AMPD3: variants seen among roughly 807,000 people sequenced by gnomAD.
The protein encoded by AMPD3 is adenosine monophosphate deaminase 3, also known as AMP deaminase 3.
Under a neutral mutation model 82.3 loss-of-function variants are expected in AMPD3, and 57 were observed. The observed-to-expected ratio is 0.69, with a 90% confidence interval of 0.56 to 0.86. The LOEUF is 0.86. AMPD3 is among the 40% of genes least tolerant of loss of function. The pLI, the probability that AMPD3 is intolerant of heterozygous loss-of-function variation, is 0.00. For missense variants in AMPD3, 870 were observed against 1,003.8 expected (o/e 0.87, Z 1.80); for synonymous variants, 381 against 394.7 (o/e 0.97, Z 0.41).
At chr11:10,495,352 C>T (rs775271726) in intron 8 of AMPD3, 25 of 985,352 alleles carry the variant, frequency 2.5e-5, no homozygotes, top group Admixed American at 6.1e-5. Flanking sequence ...CTGCTGTGGC[C>T]TGGTTCTGCA....
chr11:10,497,741 G>A, intron 10 of AMPD3: 1 of 985,346 alleles, frequency 1.0e-6, no homozygotes, highest in Non-Finnish European at 1.2e-6. Flanking sequence ...GGGCAGGGGT[G>A]AGAGTCAGGG....
chr11:10,492,594 T>G (rs1849268748), intron 6 of AMPD3, among the ~76,000 whole-genome samples: 1 of 152,212 alleles, frequency 6.6e-6, no homozygotes, highest in South Asian at 2.1e-4. Flanking sequence ...GTTCATTCAT[T>G]CATCCATTGG....
At chr11:10,481,433 G>T in intron 3 of AMPD3, 1 of 985,336 alleles carries the variant, frequency 1.0e-6, no homozygotes, top group South Asian at 4.7e-5. Flanking sequence ...TTAATTAGCT[G>T]CATGTGAGGC....
intron 10 of AMPD3, chr11:10,497,629 G>T: frequency 2.0e-6 from 2 of 985,430 alleles, no homozygotes; most frequent in Non-Finnish European, 2.4e-6. Context: ...TGCCCAGAAA[G>T]TGACTGGACA....
chr11:10,504,206 A>G, intron 13 of AMPD3: 2 of 985,208 alleles, frequency 2.0e-6, no homozygotes, highest in Non-Finnish European at 2.4e-6. Context: ...TGTGTTAAAA[A>G]GAAAAGCTAG....
At chr11:10,451,652 A>G (rs1396282340), upstream of AMPD3, among the ~76,000 whole-genome samples, 1 of 152,166 alleles carries the variant, frequency 6.6e-6, no homozygotes, top group African/African-American at 2.4e-5. Flanking sequence ...CTTGCTAACT[A>G]GGGTATCATT....
chr11:10,483,103 A>G (rs1004729365), intron 4 of AMPD3, among the ~76,000 whole-genome samples: 6 of 152,218 alleles, frequency 3.9e-5, no homozygotes, highest in African/African-American at 1.4e-4. Flanking sequence ...AGGAGAATGC[A>G]TGTGAAGTAC....
intron 13 of AMPD3, chr11:10,503,950 G>T (rs896306413): frequency 6.1e-5 from 60 of 985,306 alleles, no homozygotes; most frequent in Non-Finnish European, 7.0e-5. Flanking sequence ...GGGTGGGGAA[G>T]AGGTCACAGA....
At chr11:10,489,651 CT>C (rs1849183736) in intron 6 of AMPD3, among the ~76,000 whole-genome samples, 2 of 152,156 alleles carry the variant, frequency 1.3e-5, no homozygotes, top group South Asian at 2.1e-4. Context: ...GTGCCCGCCC[CT>C]GGGTGCTGCC....
At position 10,456,353 on chromosome 11, in the gene AMPD3, G is replaced by A; in HGVS notation, c.-6+905G>A. 6.2e-7 allele frequency: 1 copy of A among 1,613,586 alleles called. No individual in the cohort carries two copies. ...GGGTGGCAGGCAGCACCTCACCCGG[G>A]TGCATCACTTGAGTGGCATCTTCAG... is the stretch of plus-strand genomic sequence containing the variant. On this transcript the variant is annotated intron_variant, in intron 1 of 14. Transcript: ENST00000396553. The surrounding 1 kb of genome is among the most constrained non-coding windows in gnomAD (Gnocchi z 4.3).
chr11:10,460,851 C>A (rs141472896), intron 1 of AMPD3: 2 of 977,998 alleles, frequency 2.0e-6, no homozygotes, highest in Admixed American at 6.2e-5. Flanking sequence ...AATCAGTATG[C>A]GAGGAGGTGG....
At chr11:10,494,638 T>A (rs540943180) in intron 7 of AMPD3, 85 of 985,454 alleles carry the variant, frequency 8.6e-5, no homozygotes, top group Middle Eastern at 5.2e-4. Context: ...AAGTCAGCCA[T>A]GTCCTGAGCC....
intron 12 of AMPD3, chr11:10,501,920 T>C: frequency 1.0e-6 from 1 of 984,926 alleles, no homozygotes; most frequent in Non-Finnish European, 1.2e-6. Context: ...CAGAATTTGG[T>C]TCCTGCCTCG....
At position 10,473,512 on chromosome 11, in the gene AMPD3, G is replaced by C. The variant is rs2133863005; in HGVS notation, c.222-5014G>C. 1.0e-5 allele frequency: 10 copies of C among 985,340 alleles called. 1 individual carries two copies. In the South Asian group the frequency reaches 4.2e-4, roughly 42 times the overall value. 61.0% of individuals were successfully genotyped at this position (985,340 alleles called of 1,614,324 possible). ...AGGGGCAGGTTTCCAGAGGAGCTCA[G>C]GGAGAGACAGAGGGTGGGGCTGTGA... On this transcript the variant is annotated intron_variant, in intron 2 of 14. Transcript: ENST00000396553.
At chr11:10,460,050 T>C (rs969114358) in intron 1 of AMPD3, among the ~76,000 whole-genome samples, 5 of 105,644 alleles carry the variant, frequency 4.7e-5, no homozygotes, top group Admixed American at 2.7e-4. Context: ...AAATATATAT[T>C]ATATATAATA....
chr11:10,454,733 T>C (rs1464381490), upstream of AMPD3, among the ~76,000 whole-genome samples: 2 of 152,198 alleles, frequency 1.3e-5, no homozygotes, highest in Non-Finnish European at 2.9e-5. Context: ...ATCCTCCCAC[T>C]GCAGTCCCCA....
At chr11:10,500,428 C>A in intron 11 of AMPD3, 179 bp downstream of exon 11, 1 of 519,118 alleles carries the variant, frequency 1.9e-6, no homozygotes, top group Non-Finnish European at 2.5e-6. Flanking sequence ...CTATATGAGG[C>A]ATGTCTCCAC....
Position 10,494,917 on chromosome 11 carries a change from C to T in AMPD3, c.1153C>T (p.Arg385Cys), listed in dbSNP as rs774908738. ...DVHAGRQTFH[R>C]FDKFNSKYNP... ...CCCTCAGGGCCGGCAGACATTCCAC[C>T]GCTTTGACAAGTTCAACTCCAAATA... is the stretch of plus-strand genomic sequence containing the variant. The change falls in exon 8 of 15, where the codon CGC (arginine) becomes TGC (cysteine). Residue 385 changes from arginine (R) to cysteine (C), a missense_variant. Physicochemically the swap from Arg to Cys is radical, Grantham distance 180 (BLOSUM62 -3). Transcript: ENST00000396553. The T allele has an allele frequency of 4.1e-5, 66 of 1,614,040 alleles. 2 individuals are homozygous for T. The highest frequency in any genetic ancestry group is 5.5e-5 in the South Asian group (5 of 91,092).
In AMPD3 at chr11:10,478,521, C is replaced by G. The variant is rs765934438; in HGVS notation, c.222-5C>G. On this transcript the variant is annotated splice_polypyrimidine_tract_variant and splice_region_variant and intron_variant, in intron 2 of 14. Transcript: ENST00000396553. Reference sequence around the variant, plus strand: ...CTCCCACTTTTCCTTGTCCTTGGCTCTTAGAAAGAAAAGTTTCAAGATGAT... The same window carrying G: ...CTCCCACTTTTCCTTGTCCTTGGCTGTTAGAAAGAAAAGTTTCAAGATGAT... 15 of 1,614,040 alleles carry G rather than the reference C, an allele frequency of 9.3e-6. No individual in the cohort carries two copies. The highest frequency in any genetic ancestry group is 1.7e-5 in the Admixed American group (1 of 60,010).
Sources: gnomAD v4.1 joint callset for allele counts (sites outside exome capture counted in the v4.1 genomes callset) on GRCh38, gnomAD v4.1.1 for gene constraint, Gnocchi (gnomAD v3.1) non-coding constraint, MANE v1.5 for transcripts, NCBI Gene and HGNC (gene_info 2026-07-23, HGNC 2026-07-21) for gene names.